Variants in PATJ observed in about 807,000 individuals in gnomAD.
The protein encoded by PATJ is PATJ crumbs cell polarity complex component.
A neutral mutation model predicts 224.9 loss-of-function variants in PATJ; 190 were observed. The ratio of observed to expected loss-of-function variants is 0.84; its 90% confidence interval spans 0.75 to 0.95. PATJ has a LOEUF of 0.95. PATJ is among the 40% of genes least tolerant of loss of function. The pLI, the probability that PATJ is intolerant of heterozygous loss-of-function variation, is 0.00. For synonymous variants in PATJ, 769 were observed against 820.3 expected, an observed-to-expected ratio of 0.94 and a Z score of 1.07; for missense variants, 2,121 against 2,270.3, an observed-to-expected ratio of 0.93 and a Z score of 1.34.
At chr1:62,019,676 G>A (rs1450099000) in intron 29 of PATJ, among the ~76,000 whole-genome samples, 1 of 151,608 alleles carries the variant, frequency 6.6e-6, no homozygotes, top group East Asian at 1.9e-4. Context: ...ACTCTCCTTT[G>A]ACATCCTCTG....
intron 32 of PATJ, among the ~76,000 whole-genome samples, chr1:62,081,908 C>G (rs1659330824): frequency 2.0e-5 from 3 of 152,158 alleles, no homozygotes; most frequent in South Asian, 4.1e-4. Context: ...TGAAAGTGTG[C>G]CACTATCGTA....
At chr1:61,775,423 A>T in intron 7 of PATJ, 89 bp downstream of exon 7, 1 of 1,122,804 alleles carries the variant, frequency 8.9e-7, no homozygotes, top group Non-Finnish European at 1.3e-6. Flanking sequence ...AGTTACCAGG[A>T]TATATGACTT....
chr1:61,938,713 T>C (rs1677274795), intron 27 of PATJ, among the ~76,000 whole-genome samples: 1 of 152,160 alleles, frequency 6.6e-6, no homozygotes, highest in Non-Finnish European at 1.5e-5. Flanking sequence ...AATAATTTTT[T>C]AACTGCAGGA....
chr1:62,067,268 A>G (rs1347613871), intron 31 of PATJ, among the ~76,000 whole-genome samples: 1 of 151,788 alleles, frequency 6.6e-6, no homozygotes, highest in African/African-American at 2.4e-5. Flanking sequence ...CTGGGACTAC[A>G]GGCACATGCC....
At chr1:62,022,346 T>C (rs956663366) in intron 29 of PATJ, among the ~76,000 whole-genome samples, 1 of 152,248 alleles carries the variant, frequency 6.6e-6, no homozygotes, top group African/African-American at 2.4e-5. Context: ...CTTTTGCTTT[T>C]CGCATCATTA....
intron 32 of PATJ, among the ~76,000 whole-genome samples, chr1:62,081,565 A>G (rs898789457): frequency 6.6e-6 from 1 of 152,136 alleles, no homozygotes; most frequent in Non-Finnish European, 1.5e-5. Flanking sequence ...CTTTTTATTT[A>G]CTTATCTATT....
At chr1:62,020,857 G>C (rs750243995) in intron 29 of PATJ, among the ~76,000 whole-genome samples, 1 of 152,100 alleles carries the variant, frequency 6.6e-6, no homozygotes, top group Non-Finnish European at 1.5e-5. Flanking sequence ...ACAGAGTCTT[G>C]CTCTGTCACC....
At position 62,114,173 on chromosome 1, in the gene PATJ, A is replaced by G; in HGVS notation, c.4582A>G (p.Asn1528Asp). The G allele has an allele frequency of 6.2e-7, 1 of 1,613,910 alleles. No individual in the cohort carries two copies. The highest frequency in any genetic ancestry group is 8.5e-7 in the Non-Finnish European group (1 of 1,179,952). Residue 1528 changes from asparagine (N) to aspartate (D), a missense_variant, in exon 35 of 44, where the codon AAC becomes GAC. Coordinates refer to ENST00000642238, the MANE Select transcript of PATJ (RefSeq NM_001350145.3). ...TGAGGCACACTACCGGGATGAGGAG[A>G]ACTTGGAGATTTTCCCTGTGGATCT... Reference protein sequence around the residue: ...RDEAHYRDEENLEIFPVDLQK... With the variant: ...RDEAHYRDEEDLEIFPVDLQK...
At chr1:61,991,860 AATGATGAAAGTTAGAGCC>A (rs1645081723) in intron 28 of PATJ, 11 of 448,964 alleles carry the variant, frequency 2.5e-5, no homozygotes, top group Admixed American at 1.3e-4. Flanking sequence ...TGGTAGTAAA[AATGATGAAAGTTAGAGCC>A]AGTGTACTCA....
intron 11 of PATJ, among the ~76,000 whole-genome samples, chr1:61,798,627 C>T (rs1393009477): frequency 6.6e-6 from 1 of 152,140 alleles, no homozygotes; most frequent in African/African-American, 2.4e-5. Context: ...CTTGGTGGCT[C>T]ATGCCTGTAA....
intron 27 of PATJ, among the ~76,000 whole-genome samples, chr1:61,946,333 G>A (rs11801545): frequency 0.042 from 6,417 of 151,716 alleles, 506 homozygotes; most frequent in African/African-American, 0.15. Context: ...GACTAATAAA[G>A]AAGAAAAGAG....
At chr1:61,781,580 A>G (rs899997542) in intron 7 of PATJ, among the ~76,000 whole-genome samples, 4 of 152,194 alleles carry the variant, frequency 2.6e-5, no homozygotes, top group African/African-American at 9.7e-5. Context: ...CCTACATCCA[A>G]ATTAGCCTCT....
At chr1:61,782,118 C>A (rs1457768733) in intron 7 of PATJ, among the ~76,000 whole-genome samples, 1 of 152,174 alleles carries the variant, frequency 6.6e-6, no homozygotes, top group Non-Finnish European at 1.5e-5. Context: ...CCATTTTTAC[C>A]AGGGAATGGT....
At chr1:61,890,654 G>C (rs1669483607) in intron 22 of PATJ, among the ~76,000 whole-genome samples, 1 of 151,678 alleles carries the variant, frequency 6.6e-6, no homozygotes. Context: ...CTGCCACCAT[G>C]ACTGGCTAAT....
At chr1:61,770,972 G>A (rs963565056) in intron 5 of PATJ, among the ~76,000 whole-genome samples, 3 of 151,930 alleles carry the variant, frequency 2.0e-5, no homozygotes, top group Non-Finnish European at 2.9e-5. Context: ...TTTTCAAGGA[G>A]GGTTTGGCCT....
At chr1:61,839,742 T>C (rs1367787739) in intron 17 of PATJ, among the ~76,000 whole-genome samples, 2 of 152,114 alleles carry the variant, frequency 1.3e-5, no homozygotes, top group African/African-American at 4.8e-5. Flanking sequence ...ATTTCAGTGA[T>C]TTAGAAGATA....
chr1:62,014,938 A>T (rs1183291832), intron 28 of PATJ, among the ~76,000 whole-genome samples: 1 of 152,068 alleles, frequency 6.6e-6, no homozygotes, highest in African/African-American at 2.4e-5. Context: ...GAAAAGCTGA[A>T]CTCTGAAGTG....
intron 29 of PATJ, among the ~76,000 whole-genome samples, chr1:62,020,779 A>G (rs1048062807): frequency 1.3e-5 from 2 of 152,198 alleles, no homozygotes; most frequent in African/African-American, 2.4e-5. Flanking sequence ...TTGGGCTGCT[A>G]TAACAAAATA....
Position 61,944,912 on chromosome 1 carries a change from T to G in PATJ, c.3670+17083T>G, listed in dbSNP as rs1481349489. 3.3e-5 allele frequency among the ~76,000 whole-genome samples: 5 copies of G among 152,250 alleles called. No homozygotes were observed. The East Asian group carries it at 7.7e-4, about 24-fold the overall frequency. On this transcript the variant is annotated intron_variant, in intron 27 of 43. Coordinates refer to ENST00000642238, the MANE Select transcript of PATJ (RefSeq NM_001350145.3). ...ACTCTACAAGCCAGAAGAGAGTGGG[T>G]GCCAATATTCAACATTCTTAAAGAA...
Sources: allele counts gnomAD v4.1 joint callset (sites outside exome capture counted in the v4.1 genomes callset), GRCh38; gene constraint gnomAD v4.1.1; transcripts MANE v1.5; gene names NCBI Gene and HGNC (gene_info 2026-07-23, HGNC 2026-07-21).